LRFN5: variants seen among roughly 807,000 people sequenced by gnomAD.
The protein encoded by LRFN5 is leucine rich repeat and fibronectin type III domain containing 5.
Under a neutral mutation model 45.6 loss-of-function variants are expected in LRFN5, and 24 were observed. The ratio of observed to expected loss-of-function variants is 0.53; its 90% CI spans 0.38 to 0.74. The LOEUF (loss-of-function observed/expected upper bound fraction) is 0.74. Among genes scored for constraint, LRFN5 ranks in the 30% least tolerant of loss-of-function variants. The pLI is 0.00. For missense variants in LRFN5, 776 were observed against 861.5 expected, an observed-to-expected ratio of 0.90 and a Z score of 1.24; for synonymous variants, 340 against 313.8, an observed-to-expected ratio of 1.08 and a Z score of -0.88.
intron 1 of LRFN5, among the ~76,000 whole-genome samples, chr14:41,691,209 A>T (rs1453264885): frequency 1.3e-5 from 2 of 152,006 alleles, no homozygotes; most frequent in Non-Finnish European, 2.9e-5. Context: ...TAAATAATTG[A>T]TTTTTAAAAA....
At chr14:41,736,371 T>G (rs1034720672) in intron 1 of LRFN5, among the ~76,000 whole-genome samples, 2 of 152,242 alleles carry the variant, frequency 1.3e-5, no homozygotes, top group African/African-American at 4.8e-5. Context: ...GATGAGCTTT[T>G]TAAAATAAGT....
chr14:41,668,443 A>G (rs1881009685), intron 1 of LRFN5, among the ~76,000 whole-genome samples: 1 of 152,038 alleles, frequency 6.6e-6, no homozygotes, highest in Admixed American at 6.6e-5. Context: ...ACACATATCT[A>G]TGCATTCTTT....
chr14:41,881,612 C>CT (rs756641670), intron 2 of LRFN5, among the ~76,000 whole-genome samples: 5 of 152,040 alleles, frequency 3.3e-5, no homozygotes, highest in African/African-American at 7.2e-5. Flanking sequence ...TTCTCCCTTT[C>CT]TTTCTGAGAG....
At position 41,626,758 on chromosome 14, in the gene LRFN5, C is replaced by T. The variant is rs539988628; in HGVS notation, c.-197+18196C>T. Among the ~76,000 whole-genome samples the T allele has an allele frequency of 8.6e-5, 13 of 151,980 alleles. No homozygotes were observed. In the South Asian group the frequency reaches 1.0e-3, roughly 12 times the overall value. The stretch of plus-strand genomic sequence containing the variant: ...TTCAACGTAATTTTAAGATTATGTT[C>T]GTATAATACAACTGTGTATTCTAAT... On this transcript the variant is annotated intron_variant, in intron 1 of 5. Transcript: ENST00000298119.
rs142650469 is a variant in LRFN5, at chr14:41,815,265, A to G, written c.-21+48236A>G. On this transcript the variant is annotated intron_variant, in intron 2 of 5. Transcript: ENST00000298119. ...TTAATAATTGTTATATTTTTCATGG[A>G]GAATTTGCCCTTTATTATTGTGTAA... is the stretch of plus-strand genomic sequence containing the variant. 3.9e-4 allele frequency among the ~76,000 whole-genome samples: 60 copies of G among 152,262 alleles called. No homozygotes were observed. The East Asian group carries it at 8.1e-3, about 21-fold the overall frequency.
intron 1 of LRFN5, among the ~76,000 whole-genome samples, chr14:41,673,928 G>A (rs1438163901): frequency 7.5e-5 from 11 of 146,928 alleles, no homozygotes; most frequent in African/African-American, 1.5e-4. Flanking sequence ...CGGATGGGGC[G>A]GCTGGCTGGG....
At chr14:41,774,388 G>A (rs1566663682) in intron 2 of LRFN5, among the ~76,000 whole-genome samples, 1 of 152,114 alleles carries the variant, frequency 6.6e-6, no homozygotes, top group Non-Finnish European at 1.5e-5. Flanking sequence ...ATATGAAACA[G>A]AATATAGGAG....
intron 1 of LRFN5, among the ~76,000 whole-genome samples, chr14:41,763,564 C>T (rs776288786): frequency 6.6e-6 from 1 of 152,144 alleles, no homozygotes; most frequent in Middle Eastern, 3.4e-3. Flanking sequence ...TGTGTCGTGT[C>T]GTGGGAGGGA....
intron 1 of LRFN5, among the ~76,000 whole-genome samples, chr14:41,741,028 AATGATTGACT>A (rs1884667849): frequency 6.7e-6 from 1 of 149,940 alleles, no homozygotes; most frequent in African/African-American, 2.4e-5. Flanking sequence ...TGAAGAGGTG[AATGATTGACT>A]ATGATGAAAA....
chr14:41,757,539 C>A (rs540380243), intron 1 of LRFN5, among the ~76,000 whole-genome samples: 62 of 152,296 alleles, frequency 4.1e-4, no homozygotes, highest in Middle Eastern at 3.4e-3. Context: ...GCTCCGTGGG[C>A]GTAGGACCCT....
chr14:41,771,627 T>C (rs1886091786), intron 2 of LRFN5, among the ~76,000 whole-genome samples: 1 of 152,052 alleles, frequency 6.6e-6, no homozygotes, highest in Non-Finnish European at 1.5e-5. Context: ...AGCCGAGTTA[T>C]TTGCTAGGGT....
At chr14:41,720,715 T>A (rs1009262036) in intron 1 of LRFN5, among the ~76,000 whole-genome samples, 2 of 152,114 alleles carry the variant, frequency 1.3e-5, no homozygotes, top group African/African-American at 4.8e-5. Flanking sequence ...TATATTGATA[T>A]ATATTTTTAT....
At chr14:41,750,047 G>A (rs978217341) in intron 1 of LRFN5, among the ~76,000 whole-genome samples, 1 of 151,628 alleles carries the variant, frequency 6.6e-6, no homozygotes, top group African/African-American at 2.4e-5. Context: ...TTTTCTGTTT[G>A]GCTTATTCAT....
At chr14:41,731,003 T>C (rs1326326154) in intron 1 of LRFN5, among the ~76,000 whole-genome samples, 1 of 152,074 alleles carries the variant, frequency 6.6e-6, no homozygotes, top group South Asian at 2.1e-4. Flanking sequence ...ATGTTCATTT[T>C]TAAAAACAAA....
intron 2 of LRFN5, among the ~76,000 whole-genome samples, chr14:41,840,193 G>A (rs1017695799): frequency 6.6e-6 from 1 of 152,054 alleles, no homozygotes; most frequent in Non-Finnish European, 1.5e-5. Context: ...AGTCTGGTAC[G>A]CTGATTATAT....
chr14:41,617,812 T>C (rs924712918), intron 1 of LRFN5, among the ~76,000 whole-genome samples: 2 of 152,140 alleles, frequency 1.3e-5, no homozygotes, highest in Admixed American at 6.6e-5. Context: ...CTGTAAGTAA[T>C]AAATAAATGT....
Position 41,825,658 on chromosome 14 carries a change from A to G in LRFN5, c.-21+58629A>G, listed in dbSNP as rs12881610. Among the ~76,000 whole-genome samples the G allele has an allele frequency of 2.6e-3, 402 of 152,258 alleles. 3 individuals are homozygous for G. The highest frequency in any genetic ancestry group is 4.9e-3 in the Non-Finnish European group (333 of 68,022). ...TATTTCCAGGGATCAAGGGATATGAATACATTAGGGCTGAGATTTCCTGGG... is the reference window on the plus strand; with the variant it reads ...TATTTCCAGGGATCAAGGGATATGAGTACATTAGGGCTGAGATTTCCTGGG... On this transcript the variant is annotated intron_variant, in intron 2 of 5. Transcript: ENST00000298119.
At chr14:41,808,317 G>C (rs1398674957) in intron 2 of LRFN5, among the ~76,000 whole-genome samples, 1 of 133,586 alleles carries the variant, frequency 7.5e-6, no homozygotes, top group African/African-American at 2.8e-5. Context: ...AGACAAGGAA[G>C]GAAGGGAGGG....
intron 1 of LRFN5, among the ~76,000 whole-genome samples, chr14:41,703,066 T>G (rs577919472): frequency 1.4e-3 from 214 of 152,310 alleles, no homozygotes; most frequent in Non-Finnish European, 2.0e-3. Flanking sequence ...AATTCAGATT[T>G]TATAAACTAG....
Sources: gnomAD v4.1 joint callset for allele counts (sites outside exome capture counted in the v4.1 genomes callset) on GRCh38, gnomAD v4.1.1 for gene constraint, MANE v1.5 for transcripts, NCBI Gene and HGNC (gene_info 2026-07-23, HGNC 2026-07-21) for gene names.